The following NCK1 variants were observed in gnomAD, a reference collection of about 807,000 sequenced individuals.
The protein encoded by NCK1 is SH2/SH3 adapter protein NCK1.
NCK1 carries 19 observed loss-of-function variants against 36.6 expected under a neutral mutation model. The ratio of observed to expected loss-of-function variants is 0.52; its 90% CI spans 0.36 to 0.76. The LOEUF (loss-of-function observed/expected upper bound fraction) is 0.76. Among genes scored for constraint, NCK1 ranks in the 30% least tolerant of loss-of-function variants. NCK1 has a pLI of 0.00. For synonymous variants in NCK1, 165 were observed against 156.0 expected, an observed-to-expected ratio of 1.06 and a Z score of -0.43; for missense variants, 358 against 445.6, an observed-to-expected ratio of 0.80 and a Z score of 1.77.
intron 1 of NCK1, among the ~76,000 whole-genome samples, chr3:136,926,524 C>T (rs933567787): frequency 2.5e-4 from 38 of 152,256 alleles, no homozygotes; most frequent in Admixed American, 2.4e-3. Context: ...ATTCACCCGC[C>T]TCAGCCTCCT....
intron 1 of NCK1, among the ~76,000 whole-genome samples, chr3:136,871,615 CTA>C (rs1330410815): frequency 2.0e-5 from 3 of 152,164 alleles, no homozygotes; most frequent in Non-Finnish European, 4.4e-5. Flanking sequence ...ATTCTGTCCT[CTA>C]TCGCCATAAA....
intron 1 of NCK1, chr3:136,899,860 A>C (rs1560040631): frequency 7.2e-7 from 1 of 1,397,114 alleles, no homozygotes; most frequent in East Asian, 2.3e-5. Context: ...TTATCATCTA[A>C]AGCCATCCTT....
intron 2 of NCK1, chr3:136,930,469 A>G (rs916650847): frequency 3.7e-5 from 47 of 1,281,098 alleles, no homozygotes; most frequent in Non-Finnish European, 2.8e-5. Flanking sequence ...GGGTGTGGGA[A>G]GTTTCAGTGT....
At chr3:136,888,444 C>T (rs1486302869) in intron 1 of NCK1, among the ~76,000 whole-genome samples, 1 of 151,564 alleles carries the variant, frequency 6.6e-6, no homozygotes, top group African/African-American at 2.4e-5. Context: ...CGCTGTGTCA[C>T]CAGGGTGGAG....
intron 1 of NCK1, among the ~76,000 whole-genome samples, chr3:136,871,560 C>A (rs937504683): frequency 6.6e-6 from 1 of 152,100 alleles, no homozygotes; most frequent in African/African-American, 2.4e-5. Flanking sequence ...GGCTCTCTTG[C>A]GCCCCCTCCA....
intron 2 of NCK1, among the ~76,000 whole-genome samples, chr3:136,938,522 C>T (rs1940593653): frequency 6.6e-6 from 1 of 152,068 alleles, no homozygotes; most frequent in African/African-American, 2.4e-5. Flanking sequence ...CTATTTAGTA[C>T]CACATTTTTT....
intron 2 of NCK1, among the ~76,000 whole-genome samples, chr3:136,934,236 T>C (rs1940467029): frequency 6.6e-6 from 1 of 151,882 alleles, no homozygotes; most frequent in South Asian, 2.1e-4. Flanking sequence ...CATGTGAAGG[T>C]TTGTTACATA....
chr3:136,893,644 C>G (rs1457719196), intron 1 of NCK1, among the ~76,000 whole-genome samples: 6 of 151,944 alleles, frequency 3.9e-5, no homozygotes, highest in Admixed American at 1.3e-4. Context: ...AGTTTAAGTC[C>G]CATCTCTTTA....
At chr3:136,880,266 C>T (rs1176603810) in intron 1 of NCK1, among the ~76,000 whole-genome samples, 1 of 150,312 alleles carries the variant, frequency 6.7e-6, no homozygotes, top group Admixed American at 6.7e-5. Context: ...GCCGGGGTGA[C>T]AGAGCGAGAC....
At chr3:136,890,253 C>A (rs534612922) in intron 1 of NCK1, among the ~76,000 whole-genome samples, 118 of 152,312 alleles carry the variant, frequency 7.7e-4, no homozygotes, top group Non-Finnish European at 1.3e-3. Flanking sequence ...GCTAAGCCCC[C>A]CACTGTCCGG....
intron 1 of NCK1, among the ~76,000 whole-genome samples, chr3:136,918,996 T>C (rs1940036755): frequency 6.6e-6 from 1 of 152,242 alleles, no homozygotes; most frequent in Non-Finnish European, 1.5e-5. Context: ...AAATAAATGA[T>C]GGTTCGTCCG....
intron 1 of NCK1, among the ~76,000 whole-genome samples, chr3:136,873,766 C>T (rs1432522349): frequency 6.6e-6 from 1 of 152,116 alleles, no homozygotes; most frequent in Non-Finnish European, 1.5e-5. Context: ...CTTTTGAGAA[C>T]TGATGATTTT....
At chr3:136,887,304 A>G (rs1274623434) in intron 1 of NCK1, among the ~76,000 whole-genome samples, 3 of 152,112 alleles carry the variant, frequency 2.0e-5, no homozygotes, top group African/African-American at 7.2e-5. Flanking sequence ...AGTAGCGGGG[A>G]CTACAGGAGT....
At chr3:136,942,468 A>G (rs1465698092) in intron 2 of NCK1, among the ~76,000 whole-genome samples, 1 of 152,168 alleles carries the variant, frequency 6.6e-6, no homozygotes, top group East Asian at 1.9e-4. Context: ...GTTTCGTTAA[A>G]CACCTGGAGC....
chr3:136,870,397 G>A (rs553659852), intron 1 of NCK1, among the ~76,000 whole-genome samples: 1 of 151,692 alleles, frequency 6.6e-6, no homozygotes, highest in Admixed American at 6.6e-5. Context: ...ATTTTCATAT[G>A]TTAGTGTGTA....
intron 2 of NCK1, among the ~76,000 whole-genome samples, chr3:136,929,016 C>T (rs546921194): frequency 1.3e-5 from 2 of 152,242 alleles, no homozygotes; most frequent in Admixed American, 6.5e-5. Context: ...TCTCCTTGTG[C>T]AGACAGTTTG....
rs1007220970 is a variant in NCK1, at chr3:136,949,395, T to C, written c.*942T>C. On this transcript the variant is annotated 3_prime_UTR_variant, in exon 4 of 4. Transcript: ENST00000481752. ...TAATTGTCAGGAATGGTATTACCTA[T>C]TTTCATTTCCTCTTTTCAGCTTTAA... 2 of 123,920 alleles carry C rather than the reference T, an allele frequency of 1.6e-5. No individual in the cohort carries two copies. The highest frequency in any genetic ancestry group is 5.8e-5 in the African/African-American group (2 of 34,634). 7.7% of individuals were successfully genotyped at this position (123,920 alleles called of 1,614,324 possible).
At chr3:136,905,220 C>T (rs553616397) in intron 1 of NCK1, among the ~76,000 whole-genome samples, 3 of 151,932 alleles carry the variant, frequency 2.0e-5, no homozygotes, top group African/African-American at 7.3e-5. Flanking sequence ...CAGGGTTTCA[C>T]TGTGTTAGCC....
At chr3:136,906,330 G>A (rs189216384) in intron 1 of NCK1, among the ~76,000 whole-genome samples, 1 of 151,958 alleles carries the variant, frequency 6.6e-6, no homozygotes, top group Non-Finnish European at 1.5e-5. Context: ...GGCTGGTCTC[G>A]AACTCCTGAG....
Sources: gnomAD v4.1 joint callset for allele counts (sites outside exome capture counted in the v4.1 genomes callset) on GRCh38, gnomAD v4.1.1 for gene constraint, MANE v1.5 for transcripts, NCBI Gene and HGNC (gene_info 2026-07-23, HGNC 2026-07-21) for gene names.